The following CFAP100 variants were observed in gnomAD, a reference collection of about 807,000 sequenced individuals.
CFAP100 encodes cilia- and flagella-associated protein 100.
A neutral mutation model predicts 81.5 loss-of-function variants in CFAP100; 70 were observed. The observed-to-expected ratio is 0.86, with a 90% CI of 0.71 to 1.05. The LOEUF (loss-of-function observed/expected upper bound fraction) is 1.05. Among genes scored for constraint, CFAP100 ranks in the 50% least tolerant of loss-of-function variants. The pLI is 0.00. For synonymous variants in CFAP100, 341 were observed against 314.8 expected (o/e 1.08, Z -0.88); for missense variants, 811 against 776.5 (o/e 1.04, Z -0.53).
Position 126,423,628 on chromosome 3 carries a change from C to T in CFAP100, c.1270C>T (p.His424Tyr). 1 of 1,614,216 alleles carries T rather than the reference C, an allele frequency of 6.2e-7. No individual in the cohort carries two copies. The highest frequency in any genetic ancestry group is 8.5e-7 in the Non-Finnish European group (1 of 1,180,026). The change falls in exon 13 of 17, where the codon CAC becomes TAC. Residue 424 changes from histidine (H) to tyrosine (Y), a missense_variant. His to Tyr is a moderately conservative substitution (Grantham distance 83). Transcript: ENST00000352312. ...TLEELSHTLK[H>Y]TQIRMDREVN... ...GGAGGAGCTGAGCCACACCCTGAAA[C>T]ACACCCAGATCCGCATGTAGGTGCT...
At chr3:126,430,641 T>C (rs560501820) in intron 13 of CFAP100, among the ~76,000 whole-genome samples, 38 of 152,168 alleles carry the variant, frequency 2.5e-4, no homozygotes, top group African/African-American at 8.7e-4. Flanking sequence ...CTCCTCTAGC[T>C]GGCTAATTTC....
intron 6 of CFAP100, 21 bp from the exon 7 acceptor site, chr3:126,418,590 C>G (rs537434539): frequency 6.2e-7 from 1 of 1,611,940 alleles, no homozygotes; most frequent in African/African-American, 1.3e-5. Flanking sequence ...GGCACCATGA[C>G]CCCACTCTGC....
intron 6 of CFAP100, 29 bp from the exon 7 acceptor site, chr3:126,418,582 C>A (rs745401804): frequency 1.2e-6 from 2 of 1,612,640 alleles, no homozygotes; most frequent in Non-Finnish European, 8.5e-7. Flanking sequence ...CCGGGCCAGG[C>A]ACCATGACCC....
At chr3:126,435,488 G>T in intron 15 of CFAP100, 71 bp from the exon 16 acceptor site, 1 of 1,305,576 alleles carries the variant, frequency 7.7e-7, no homozygotes, top group South Asian at 1.3e-5. Context: ...CCTGGCCTGG[G>T]GACTCCGTGT....
At chr3:126,406,427 C>T (rs554068745) in intron 2 of CFAP100, among the ~76,000 whole-genome samples, 4 of 152,306 alleles carry the variant, frequency 2.6e-5, no homozygotes, top group East Asian at 1.9e-4. Context: ...CCGGAGACCA[C>T]GTTCTGGCAG....
At chr3:126,397,138 T>A (rs1018882241) in intron 2 of CFAP100, among the ~76,000 whole-genome samples, 4 of 152,224 alleles carry the variant, frequency 2.6e-5, no homozygotes, top group African/African-American at 9.6e-5. Context: ...AATTAACCCA[T>A]ACATTGTAGA....
intron 11 of CFAP100, among the ~76,000 whole-genome samples, chr3:126,422,235 C>T (rs1004340655): frequency 6.6e-6 from 1 of 152,226 alleles, no homozygotes; most frequent in African/African-American, 2.4e-5. Flanking sequence ...ATCAGAAAGG[C>T]ATCGTATGGG....
At chr3:126,395,697 T>G (rs919973362) in intron 1 of CFAP100, among the ~76,000 whole-genome samples, 17 of 152,162 alleles carry the variant, frequency 1.1e-4, no homozygotes, top group Non-Finnish European at 1.9e-4. Context: ...GAATATTTTT[T>G]GGCCGAGGAG....
At chr3:126,429,580 C>A (rs1933108701) in intron 13 of CFAP100, among the ~76,000 whole-genome samples, 1 of 146,564 alleles carries the variant, frequency 6.8e-6, no homozygotes, top group Admixed American at 6.8e-5. Context: ...CAGTGATCTG[C>A]TTTGATTCTT....
chr3:126,413,882 T>C (rs1245454988), intron 3 of CFAP100, among the ~76,000 whole-genome samples: 3 of 152,222 alleles, frequency 2.0e-5, no homozygotes. Flanking sequence ...GAAGCCCAAC[T>C]TGAACCAGGT....
intron 4 of CFAP100, among the ~76,000 whole-genome samples, chr3:126,415,127 C>T (rs1264194140): frequency 1.3e-5 from 2 of 152,144 alleles, no homozygotes; most frequent in East Asian, 3.9e-4. Flanking sequence ...TTCCTCTACA[C>T]TCAAGCCCAG....
rs2083196165 is a variant in CFAP100 at position 126,414,069 on chromosome 3, G to T, written c.131-16G>T. 6.3e-7 allele frequency: 1 copy of T among 1,591,998 alleles called. No homozygotes were observed. Among genetic ancestry groups the T allele is most frequent in the South Asian group, 1.1e-5 (1 of 90,568 alleles). On this transcript the variant is annotated splice_polypyrimidine_tract_variant and intron_variant, in intron 3 of 16. Coordinates refer to ENST00000352312, the MANE Select transcript of CFAP100 (RefSeq NM_182628.3). ...AGAGCTGGCTCCCCTTTCCAGAGAGGTGTCTCCCTTTCCAGAACATGGTCC... is the reference window on the plus strand; with the variant it reads ...AGAGCTGGCTCCCCTTTCCAGAGAGTTGTCTCCCTTTCCAGAACATGGTCC...
intron 13 of CFAP100, 60 bp downstream of exon 13, chr3:126,423,704 A>G: frequency 6.3e-7 from 1 of 1,593,078 alleles, no homozygotes; most frequent in Non-Finnish European, 8.6e-7. Flanking sequence ...GGATCCCCCT[A>G]GCACTGGGAG....
At chr3:126,420,341 C>T (rs2083311092) in intron 11 of CFAP100, 112 bp downstream of exon 11, 2 of 1,426,364 alleles carry the variant, frequency 1.4e-6, no homozygotes, top group African/African-American at 1.4e-5. Context: ...GTGTTACTCA[C>T]AGTCCCTACT....
At chr3:126,415,387 T>C (rs2083220059) in intron 4 of CFAP100, among the ~76,000 whole-genome samples, 1 of 142,004 alleles carries the variant, frequency 7.0e-6, no homozygotes, top group Admixed American at 7.0e-5. Flanking sequence ...CTCCCACTTA[T>C]ACCCTCCCCC....
intron 13 of CFAP100, among the ~76,000 whole-genome samples, chr3:126,427,561 T>C (rs561314290): frequency 1.3e-5 from 2 of 152,182 alleles, no homozygotes; most frequent in Non-Finnish European, 2.9e-5. Flanking sequence ...TTCAACTCAT[T>C]TGGGTAAATA....
chr3:126,411,132 C>G (rs2083146305), intron 3 of CFAP100, among the ~76,000 whole-genome samples: 1 of 152,176 alleles, frequency 6.6e-6, no homozygotes, highest in African/African-American at 2.4e-5. Flanking sequence ...TTTTCTGCAT[C>G]TTTTGATATG....
chr3:126,406,158 C>T (rs987839508), intron 2 of CFAP100, among the ~76,000 whole-genome samples: 12 of 152,160 alleles, frequency 7.9e-5, no homozygotes, highest in Admixed American at 3.3e-4. Flanking sequence ...TCTGCCTCCC[C>T]GACTATACAT....
intron 3 of CFAP100, among the ~76,000 whole-genome samples, chr3:126,412,447 A>G (rs1043415433): frequency 2.6e-5 from 4 of 152,200 alleles, no homozygotes; most frequent in Non-Finnish European, 4.4e-5. Flanking sequence ...ACTCAACCAA[A>G]GCATAATACC....
Sources: allele counts gnomAD v4.1 joint callset (sites outside exome capture counted in the v4.1 genomes callset), GRCh38; gene constraint gnomAD v4.1.1; transcripts MANE v1.5; gene names NCBI Gene and HGNC (gene_info 2026-07-23, HGNC 2026-07-21).